CSMD1: variants seen among roughly 807,000 people sequenced by gnomAD.
CSMD1 encodes CUB and Sushi multiple domains 1.
Under a neutral mutation model 417.5 loss-of-function variants are expected in CSMD1, and 213 were observed. That is an observed-to-expected ratio of 0.51 (90% confidence interval 0.46 to 0.57). The LOEUF is 0.57. Ranked by LOEUF, CSMD1 falls within the 20% of genes least tolerant of loss-of-function variation. The pLI is 0.00. For synonymous variants in CSMD1, 2,862 were observed against 1,736.8 expected (o/e 1.65, Z -16.11); for missense variants, 6,923 against 4,529.7 (o/e 1.53, Z -15.17).
chr8:4,468,481 A>C (rs940340120), intron 2 of CSMD1, among the ~76,000 whole-genome samples: 2 of 152,078 alleles, frequency 1.3e-5, no homozygotes. Flanking sequence ...TGATATACCA[A>C]CTCATTCTTA....
intron 4 of CSMD1, among the ~76,000 whole-genome samples, chr8:4,018,281 C>A (rs2130483000): frequency 6.6e-6 from 1 of 152,092 alleles, no homozygotes; most frequent in East Asian, 1.9e-4. Flanking sequence ...GAGAGTCTAT[C>A]TTTTGGGATT....
intron 5 of CSMD1, among the ~76,000 whole-genome samples, chr8:3,953,496 G>C (rs1811722742): frequency 6.6e-6 from 1 of 152,126 alleles, no homozygotes; most frequent in Non-Finnish European, 1.5e-5. Context: ...GGCTGAGTTT[G>C]GGGGTTTCAC....
intron 5 of CSMD1, among the ~76,000 whole-genome samples, chr8:3,888,339 G>T (rs1163355371): frequency 6.6e-6 from 1 of 152,138 alleles, no homozygotes; most frequent in African/African-American, 2.4e-5. Context: ...CAAAGTCAAA[G>T]GATGGTGATT....
Position 3,142,498 on chromosome 8 carries a change from G to A in CSMD1, c.6208C>T (p.Gln2070Ter). The A allele has an allele frequency of 6.2e-7, 1 of 1,613,912 alleles. No homozygotes were observed. The highest frequency in any genetic ancestry group is 8.5e-7 in the Non-Finnish European group (1 of 1,179,868). The change falls in exon 41 of 70, where the codon CAA becomes TAA. Residue 2070 changes from glutamine (Q) to a stop codon, truncating the protein, a stop_gained. Transcript: ENST00000635120. LOFTEE classifies it high-confidence loss of function. Reference sequence around the variant, plus strand: ...GCAAGTTTAAATCCTTGCCGGTTTTGCGAATGGTCACTATAAAAGTGGATG... The same window carrying A: ...GCAAGTTTAAATCCTTGCCGGTTTTACGAATGGTCACTATAAAAGTGGATG... ...TLIHFYSDHS[Q>*]NRQGFKLAYQ... is the part of the protein sequence containing the mutation.
intron 1 of CSMD1, among the ~76,000 whole-genome samples, chr8:4,658,610 T>C (rs1341983202): frequency 6.6e-6 from 1 of 152,108 alleles, no homozygotes; most frequent in South Asian, 2.1e-4. Flanking sequence ...TGAATGCCAG[T>C]GCGGAGTATC....
At position 2,951,147 on chromosome 8, in the gene CSMD1, T is replaced by C. The variant is rs1802600923; in HGVS notation, c.10168A>G (p.Ser3390Gly). ...TTCAGCTCCACTGGCGAGGCTTCGC[T>C]GAAGGTGGCATTCACCTTACTGCTT... ...ATSSKVNATF[S>G]EASPVELKLT... Residue 3390 changes from serine (S) to glycine (G), a missense_variant, in exon 66 of 70, where the codon AGC becomes GGC. Ser to Gly is a moderately conservative substitution (Grantham distance 56, BLOSUM62 0). Coordinates refer to ENST00000635120, the MANE Select transcript of CSMD1 (RefSeq NM_033225.6). 6.2e-7 allele frequency: 1 copy of C among 1,613,584 alleles called. No homozygotes were observed. Among genetic ancestry groups the C allele is most frequent in the Non-Finnish European group, 8.5e-7 (1 of 1,179,650 alleles).
chr8:3,606,225 G>A (rs547553885), intron 8 of CSMD1, among the ~76,000 whole-genome samples: 3 of 152,244 alleles, frequency 2.0e-5, no homozygotes, highest in East Asian at 3.9e-4. Flanking sequence ...TTTAAGGCCA[G>A]GATGCAGTGT....
chr8:4,299,135 G>C (rs1411644503), intron 3 of CSMD1, among the ~76,000 whole-genome samples: 1 of 152,078 alleles, frequency 6.6e-6, no homozygotes, highest in South Asian at 2.1e-4. Flanking sequence ...AAAAGATCTT[G>C]CCAAAACAGA....
chr8:4,808,962 T>A (rs1798742357), intron 1 of CSMD1, among the ~76,000 whole-genome samples: 1 of 152,206 alleles, frequency 6.6e-6, no homozygotes, highest in South Asian at 2.1e-4. Flanking sequence ...ACATAAGAGA[T>A]CCAGAAAATC....
rs1183619220 is a variant in CSMD1 at position 3,412,033 on chromosome 8, T to TACAC, written c.1562-2432_1562-2429dup. On this transcript the variant is annotated intron_variant, in intron 12 of 69. Transcript: ENST00000635120. ...ATATATACATATACACACGTATATATACACATATATACACGTATATATACA... is the reference window on the plus strand; with the variant it reads ...ATATATACATATACACACGTATATATACACACACATATATACACGTATATATACA... 3.0e-5 allele frequency among the ~76,000 whole-genome samples: 2 copies of TACAC among 67,396 alleles called. 1 individual carries two copies. The highest frequency in any genetic ancestry group is 5.8e-5 in the Non-Finnish European group (2 of 34,772). 44.2% of individuals were successfully genotyped at this position (67,396 alleles called of 152,430 possible).
At chr8:4,304,224 T>A in intron 3 of CSMD1, among the ~76,000 whole-genome samples, 1 of 152,198 alleles carries the variant, frequency 6.6e-6, no homozygotes, top group Non-Finnish European at 1.5e-5. Context: ...TAAAGCTGTT[T>A]TATTCTAAAT....
intron 9 of CSMD1, among the ~76,000 whole-genome samples, chr8:3,575,663 T>C (rs964738926): frequency 1.3e-5 from 2 of 151,994 alleles, no homozygotes; most frequent in African/African-American, 4.8e-5. Flanking sequence ...ACAACGCAAA[T>C]AGGAACTTAA....
intron 6 of CSMD1, among the ~76,000 whole-genome samples, chr8:3,708,895 A>G (rs538234702): frequency 1.2e-4 from 19 of 152,148 alleles, no homozygotes; most frequent in Non-Finnish European, 2.4e-4. Context: ...AAAAGTTTAG[A>G]TAAAAAGGCC....
chr8:3,985,034 T>A (rs1439973524), intron 5 of CSMD1, among the ~76,000 whole-genome samples: 1 of 152,072 alleles, frequency 6.6e-6, no homozygotes, highest in African/African-American at 2.4e-5. Context: ...CTGACCACAT[T>A]TTGATTACTG....
intron 40 of CSMD1, among the ~76,000 whole-genome samples, chr8:3,144,549 T>A (rs778254156): frequency 6.6e-6 from 1 of 152,054 alleles, no homozygotes; most frequent in African/African-American, 2.4e-5. Flanking sequence ...CGGTACTACA[T>A]CGCCAGTCAA....
At chr8:3,428,881 T>G (rs973835583) in intron 12 of CSMD1, among the ~76,000 whole-genome samples, 5 of 152,206 alleles carry the variant, frequency 3.3e-5, no homozygotes, top group Non-Finnish European at 7.3e-5. Context: ...ATCCTGTCAT[T>G]TGCAGCAACA....
intron 3 of CSMD1, among the ~76,000 whole-genome samples, chr8:4,415,106 G>A (rs867979004): frequency 6.6e-6 from 1 of 152,034 alleles, no homozygotes; most frequent in Non-Finnish European, 1.5e-5. Flanking sequence ...GTTTTCTATT[G>A]CAAGGATGAA....
At chr8:4,402,032 G>T (rs544373120) in intron 3 of CSMD1, among the ~76,000 whole-genome samples, 11 of 152,188 alleles carry the variant, frequency 7.2e-5, no homozygotes, top group African/African-American at 2.2e-4. Flanking sequence ...AATTCGTGGT[G>T]ACTTCACTAT....
chr8:3,230,420 G>C (rs112127498), intron 26 of CSMD1, among the ~76,000 whole-genome samples, 189 bp from the exon 27 acceptor site: 2 of 152,258 alleles, frequency 1.3e-5, no homozygotes, highest in African/African-American at 4.8e-5. Context: ...CATTGTGCTT[G>C]CATTGCATAA....
Sources: gnomAD v4.1 joint callset for allele counts (sites outside exome capture counted in the v4.1 genomes callset) on GRCh38, gnomAD v4.1.1 for gene constraint, MANE v1.5 for transcripts, NCBI Gene and HGNC (gene_info 2026-07-23, HGNC 2026-07-21) for gene names.